The following CTSK variants were observed in gnomAD, a reference collection of about 807,000 sequenced individuals.
The protein encoded by CTSK is cathepsin O.
In CTSK, 26 loss-of-function variants were observed where a neutral mutation model predicts 40.5. The ratio of observed to expected loss-of-function variants is 0.64; its 90% CI spans 0.47 to 0.89. The LOEUF (loss-of-function observed/expected upper bound fraction) is 0.89. CTSK is among the 40% of genes least tolerant of loss of function. The probability of loss-of-function intolerance (pLI) is 0.00; values close to 1 mark genes in which losing one functional copy is unlikely to be tolerated. For missense variants in CTSK, 292 were observed against 400.1 expected, an observed-to-expected ratio of 0.73 and a Z score of 2.30; for synonymous variants, 132 against 143.2, an observed-to-expected ratio of 0.92 and a Z score of 0.56.
chr1:150,804,978 G>A (rs1447629814), intron 4 of CTSK, among the ~76,000 whole-genome samples: 1 of 152,066 alleles, frequency 6.6e-6, no homozygotes, highest in East Asian at 1.9e-4. Context: ...TTGGGAGGCC[G>A]AAGCGGGCAG....
In CTSK at chr1:150,805,860, C is replaced by G; in HGVS notation, c.399+1G>C. ...TGCACACCCAGAAGAAAGGAGAGTA[C>G]CTGATTTTTGACAGGAGTAACATAT... is the stretch of plus-strand genomic sequence containing the variant. On this transcript the variant is annotated splice_donor_variant, in intron 4 of 7. Coordinates refer to ENST00000271651, the MANE Select transcript of CTSK (RefSeq NM_000396.4). LOFTEE classifies it high-confidence loss of function. 6.2e-7 allele frequency: 1 copy of G among 1,613,964 alleles called. No individual in the cohort carries two copies. Among genetic ancestry groups the G allele is most frequent in the South Asian group, 1.1e-5 (1 of 91,074 alleles).
At chr1:150,802,340 G>C (rs1017469843) in intron 5 of CTSK, among the ~76,000 whole-genome samples, 2 of 151,630 alleles carry the variant, frequency 1.3e-5, no homozygotes, top group Non-Finnish European at 2.9e-5. Flanking sequence ...CCAGCACTTT[G>C]GGAGGTGGGA....
At position 150,806,765 on chromosome 1, in the gene CTSK, A is replaced by C. The variant is rs938267905; in HGVS notation, c.41T>G (p.Phe14Cys). ...LKVLLLPVVS[F>C]ALYPEEILDT... ...CAGTATCTCCTCAGGGTACAGAGCAAAGCTCACCACAGGTAGCAGCAGAAC... is the reference window on the plus strand; with the variant it reads ...CAGTATCTCCTCAGGGTACAGAGCACAGCTCACCACAGGTAGCAGCAGAAC... Residue 14 changes from phenylalanine (F) to cysteine (C), a missense_variant, in exon 2 of 8, where the codon TTT becomes TGT. Phe to Cys is a radical substitution (Grantham distance 205). Transcript: ENST00000271651. 1 of 1,613,984 alleles carries C rather than the reference A, an allele frequency of 6.2e-7. No individual in the cohort carries two copies. The highest frequency in any genetic ancestry group is 1.3e-5 in the African/African-American group (1 of 74,882).
At chr1:150,798,775 TAAAGAG>T (rs1254796060) in intron 7 of CTSK, among the ~76,000 whole-genome samples, 2 of 152,188 alleles carry the variant, frequency 1.3e-5, no homozygotes, top group East Asian at 3.8e-4. Context: ...GCTGGTTCTT[TAAAGAG>T]TCGGCACCTC....
intron 1 of CTSK, among the ~76,000 whole-genome samples, chr1:150,807,036 G>A: frequency 1.3e-5 from 1 of 78,268 alleles, no homozygotes; most frequent in Non-Finnish European, 2.9e-5. Flanking sequence ...GGGAGATTTA[G>A]GCAACACACA....
At chr1:150,803,020 T>C (rs1654023032) in intron 5 of CTSK, among the ~76,000 whole-genome samples, 1 of 152,192 alleles carries the variant, frequency 6.6e-6, no homozygotes, top group African/African-American at 2.4e-5. Context: ...TCTTACACAT[T>C]GCAGGTATAA....
rs587733151 is a variant in CTSK at position 150,799,351 on chromosome 1, T to C, written c.785-78A>G. The C allele has an allele frequency of 2.4e-6, 3 of 1,274,364 alleles. No homozygotes were observed. In the East Asian group the frequency reaches 6.9e-5, roughly 29 times the overall value. 78.9% of individuals were successfully genotyped at this position (1,274,364 alleles called of 1,614,324 possible). On this transcript the variant is annotated intron_variant, in intron 6 of 7. Coordinates refer to ENST00000271651, the MANE Select transcript of CTSK (RefSeq NM_000396.4). ...TGGGATCTCCCAGTCTAGGAGACTGTTTGAAGAATTCCATCCGTGTCAGGA... is the reference window on the plus strand; with the variant it reads ...TGGGATCTCCCAGTCTAGGAGACTGCTTGAAGAATTCCATCCGTGTCAGGA...
chr1:150,806,349 A>C, intron 2 of CTSK, 125 bp from the exon 3 acceptor site: 1 of 1,121,810 alleles, frequency 8.9e-7, no homozygotes, highest in Admixed American at 2.2e-5. Context: ...TGGGGAACTA[A>C]CCATGGAATT....
intron 7 of CTSK, 106 bp from the exon 8 acceptor site, chr1:150,797,004 G>T: frequency 1.2e-6 from 1 of 836,090 alleles, no homozygotes; most frequent in Non-Finnish European, 2.0e-6. Flanking sequence ...AAATGAATAT[G>T]ATGTTTTTTA....
At chr1:150,807,314 G>C in intron 1 of CTSK, 1 of 471,398 alleles carries the variant, frequency 2.1e-6, no homozygotes, top group South Asian at 1.5e-5. Context: ...CTTCTCTTTC[G>C]TGCCTAAATT....
chr1:150,796,759 G>T lies in CTSK; in HGVS notation c.*40C>A. On this transcript the variant is annotated 3_prime_UTR_variant, in exon 8 of 8. Coordinates refer to ENST00000271651, the MANE Select transcript of CTSK (RefSeq NM_000396.4). ...GTGCATCGTTACACTGCACCATCGTGGAAGAAATGGAAGAGCAGGATGGAT... is the reference window on the plus strand; with the variant it reads ...GTGCATCGTTACACTGCACCATCGTTGAAGAAATGGAAGAGCAGGATGGAT... 1 of 1,391,214 alleles carries T rather than the reference G, an allele frequency of 7.2e-7. No homozygotes were observed. The highest frequency in any genetic ancestry group is 1.0e-6 in the Non-Finnish European group (1 of 976,604). 86.2% of individuals were successfully genotyped at this position (1,391,214 alleles called of 1,614,324 possible). A position where few individuals can be genotyped will look rare whatever the true frequency, so the allele number is the denominator to read the frequency against.
chr1:150,800,039 G>A (rs1208134701), intron 5 of CTSK, among the ~76,000 whole-genome samples: 1 of 151,636 alleles, frequency 6.6e-6, no homozygotes, highest in East Asian at 1.9e-4. Flanking sequence ...TACTAAAAAT[G>A]CAAAAAAATT....
intron 4 of CTSK, among the ~76,000 whole-genome samples, chr1:150,805,036 A>G (rs1654057430): frequency 6.6e-6 from 1 of 151,314 alleles, no homozygotes; most frequent in Admixed American, 6.6e-5. Context: ...GCATGGCAAA[A>G]CTCTGTCTCT....
chr1:150,801,812 T>TAC (rs1037716040), intron 5 of CTSK, among the ~76,000 whole-genome samples: 3 of 151,980 alleles, frequency 2.0e-5, no homozygotes, highest in African/African-American at 7.2e-5. Flanking sequence ...GTGCTGGGAT[T>TAC]ACAAGCGTGA....
chr1:150,799,669 T>C lies in CTSK; in HGVS notation c.659A>G (p.Lys220Arg). 1 of 1,614,170 alleles carries C rather than the reference T, an allele frequency of 6.2e-7. No homozygotes were observed. The highest frequency in any genetic ancestry group is 8.5e-7 in the Non-Finnish European group (1 of 1,180,030). ...GGGGATCTCTCTGTACCCTCTGCATTTAGCTGCCTTGCCTGTTGGGTTGTA... is the reference window on the plus strand; with the variant it reads ...GGGGATCTCTCTGTACCCTCTGCATCTAGCTGCCTTGCCTGTTGGGTTGTA... Reference protein sequence around the residue: ...CMYNPTGKAAKCRGYREIPEG... With the variant: ...CMYNPTGKAARCRGYREIPEG... The change falls in exon 6 of 8, where the codon AAA becomes AGA. Residue 220 changes from lysine (K) to arginine (R), a missense_variant. Physicochemically the swap from Lys to Arg is conservative, Grantham distance 26. Transcript: ENST00000271651.
chr1:150,805,857 G>C lies in CTSK; in HGVS notation c.399+4C>G. 6.2e-7 allele frequency: 1 copy of C among 1,613,968 alleles called. No homozygotes were observed. Among genetic ancestry groups the C allele is most frequent in the Non-Finnish European group, 8.5e-7 (1 of 1,179,974 alleles). Reference sequence around the variant, plus strand: ...ATATGCACACCCAGAAGAAAGGAGAGTACCTGATTTTTGACAGGAGTAACA... The same window carrying C: ...ATATGCACACCCAGAAGAAAGGAGACTACCTGATTTTTGACAGGAGTAACA... On this transcript the variant is annotated splice_donor_region_variant and intron_variant, in intron 4 of 7. Coordinates refer to ENST00000271651, the MANE Select transcript of CTSK (RefSeq NM_000396.4).
Position 150,806,116 on chromosome 1 carries a change from G to A in CTSK, c.229C>T (p.His77Tyr). 1 of 1,614,134 alleles carries A rather than the reference G, an allele frequency of 6.2e-7. No homozygotes were observed. The highest frequency in any genetic ancestry group is 8.5e-7 in the Non-Finnish European group (1 of 1,180,018). Residue 77 changes from histidine (H) to tyrosine (Y), a missense_variant, in exon 3 of 8, where the codon CAC becomes TAC. Physicochemically the swap from His to Tyr is moderately conservative, Grantham distance 83. Transcript: ENST00000271651. ...GVHTYELAMN[H>Y]LGDMTSEEVV... ...GCTATACTTGCCATGTCCCCCAGGT[G>A]GTTCATAGCCAGTTCATATGTATGG... is the stretch of plus-strand genomic sequence containing the variant.
intron 1 of CTSK, 88 bp from the exon 2 acceptor site, chr1:150,806,894 G>A (rs1298944450): frequency 2.7e-6 from 4 of 1,494,368 alleles, no homozygotes; most frequent in Non-Finnish European, 3.7e-6. Context: ...AAAGGTAGAC[G>A]GAAAAAGGGT....
rs757744218 is a variant in CTSK, at chr1:150,796,896, C to T, written c.893G>A (p.Trp298Ter). 1.2e-6 allele frequency: 2 copies of T among 1,607,440 alleles called. No homozygotes were observed. Among genetic ancestry groups the T allele is most frequent in the South Asian group, 1.1e-5 (1 of 90,916 alleles). The change falls in exon 8 of 8, where the codon TGG (tryptophan) becomes TAG (stop). Residue 298 changes from tryptophan (W) to a stop codon, truncating the protein, a stop_gained and splice_region_variant. Transcript: ENST00000271651. LOFTEE classifies it high-confidence loss of function. ...GNKHWIIKNSWGENWGNKGYI... is the reference protein window; with the variant it reads ...GNKHWIIKNS ...TCCTTTGTTTCCCCAGTTTTCTCCC[C>T]AGCTGTAAGACCAATCAAGAAAAAT... is the stretch of plus-strand genomic sequence containing the variant.
Sources: allele counts gnomAD v4.1 joint callset (sites outside exome capture counted in the v4.1 genomes callset), GRCh38; gene constraint gnomAD v4.1.1; transcripts MANE v1.5; gene names NCBI Gene and HGNC (gene_info 2026-07-23, HGNC 2026-07-21).